SIN3B: variants seen among roughly 807,000 people sequenced by gnomAD.
SIN3B encodes the protein paired amphipathic helix protein Sin3b.
In SIN3B, 19 loss-of-function variants were observed where a neutral mutation model predicts 120.2. The ratio of observed to expected loss-of-function variants is 0.16; its 90% confidence interval spans 0.11 to 0.23. SIN3B has a LOEUF of 0.23. Ranked by LOEUF, SIN3B falls within the 10% of genes least tolerant of loss-of-function variation. The pLI is 1.00. For synonymous variants in SIN3B, 654 were observed against 653.2 expected (o/e 1.00, Z -0.02); for missense variants, 1,073 against 1,573.0 (o/e 0.68, Z 5.38).
chr19:16,862,227 A>C lies in SIN3B; in HGVS notation c.1059-125A>C, dbSNP rs984617938. ...TTGGATTCTTCCGCCTCTCATTCGCATCCATGATGTTGAATTCTGACTCTG... is the reference window on the plus strand; with the variant it reads ...TTGGATTCTTCCGCCTCTCATTCGCCTCCATGATGTTGAATTCTGACTCTG... On this transcript the variant is annotated intron_variant, in intron 8 of 18. Coordinates refer to ENST00000248054, the MANE Select transcript of SIN3B (RefSeq NM_001297595.2). This position sits in a 1 kb window ranked among gnomAD's most constrained non-coding sequence, Gnocchi z 4.7. The C allele has an allele frequency of 3.9e-5, 29 of 744,520 alleles. No homozygotes were observed. The highest frequency in any genetic ancestry group is 6.4e-5 in the Non-Finnish European group (29 of 452,172). The allele number at this position is 744,520 out of a possible 1,614,324, so 46.1% of individuals were successfully genotyped here.
chr19:16,846,793 G>A (rs959863307), intron 4 of SIN3B, among the ~76,000 whole-genome samples, 177 bp from the exon 5 acceptor site: 3 of 152,102 alleles, frequency 2.0e-5, no homozygotes, highest in Non-Finnish European at 4.4e-5. Flanking sequence ...GCCCATGGCC[G>A]GGGCTCAGGC....
rs1971422941 is a variant in SIN3B at position 16,841,916 on chromosome 19, T to C, written c.530T>C (p.Leu177Pro). ...SYVNKIKTRFLDHPEIYRSFL... is the reference protein window; with the variant it reads ...SYVNKIKTRFPDHPEIYRSFL... ...GTGAATAAGATTAAAACCCGCTTCCTAGACCACCCAGAAATCTACAGGTCA... is the reference window on the plus strand; with the variant it reads ...GTGAATAAGATTAAAACCCGCTTCCCAGACCACCCAGAAATCTACAGGTCA... The change falls in exon 4 of 19, where the codon CTA becomes CCA. Residue 177 changes from leucine (L) to proline (P), a missense_variant. Coordinates refer to ENST00000248054, the MANE Select transcript of SIN3B (RefSeq NM_001297595.2). 6.2e-7 allele frequency: 1 copy of C among 1,614,108 alleles called. No homozygotes were observed. Among genetic ancestry groups the C allele is most frequent in the Non-Finnish European group, 8.5e-7 (1 of 1,180,020 alleles).
intron 14 of SIN3B, among the ~76,000 whole-genome samples, chr19:16,872,077 C>T (rs1295502489): frequency 3.9e-5 from 6 of 152,112 alleles, no homozygotes; most frequent in Non-Finnish European, 7.4e-5. Flanking sequence ...GCAGACGTCC[C>T]AGACGAGCTG....
chr19:16,831,467 T>G, intron 2 of SIN3B, 27 bp from the exon 3 acceptor site: 1 of 1,608,914 alleles, frequency 6.2e-7, no homozygotes, highest in Non-Finnish European at 8.5e-7. Context: ...CCAAGACCCT[T>G]TTGCCCACTT....
intron 13 of SIN3B, 83 bp downstream of exon 13, chr19:16,870,158 C>G (rs971807277): frequency 1.1e-5 from 14 of 1,325,468 alleles, no homozygotes; most frequent in African/African-American, 1.5e-5. Flanking sequence ...TGTCCTGTTA[C>G]TTTTCTTTCT....
intron 11 of SIN3B, among the ~76,000 whole-genome samples, chr19:16,866,011 A>C (rs988420325): frequency 3.3e-5 from 5 of 152,322 alleles, no homozygotes; most frequent in Admixed American, 1.3e-4. Context: ...TCAAGTGGTC[A>C]CTTTCAGGCA....
chr19:16,856,447 C>T (rs1032001768), intron 8 of SIN3B, among the ~76,000 whole-genome samples: 1 of 152,106 alleles, frequency 6.6e-6, no homozygotes, highest in Non-Finnish European at 1.5e-5. Context: ...CTGCAGGGCC[C>T]TTCAAATACA....
At chr19:16,861,350 G>A (rs1252462606) in intron 8 of SIN3B, among the ~76,000 whole-genome samples, 1 of 152,220 alleles carries the variant, frequency 6.6e-6, no homozygotes, top group Admixed American at 6.5e-5. Context: ...GGGATGGCTA[G>A]GCATGGTGGC....
chr19:16,858,119 C>T (rs910693940), intron 8 of SIN3B, among the ~76,000 whole-genome samples: 10 of 152,180 alleles, frequency 6.6e-5, no homozygotes, highest in African/African-American at 2.4e-4. Flanking sequence ...TCAAGTGATC[C>T]GCCTGCCTCA....
chr19:16,851,620 C>A, intron 6 of SIN3B, 86 bp downstream of exon 6: 1 of 1,468,314 alleles, frequency 6.8e-7, no homozygotes, highest in East Asian at 2.6e-5. Context: ...GGAACAGAGG[C>A]CCCAGCAGGG....
At chr19:16,873,367 G>A (rs1491001225) in intron 14 of SIN3B, among the ~76,000 whole-genome samples, 3 of 152,130 alleles carry the variant, frequency 2.0e-5, no homozygotes, top group Non-Finnish European at 4.4e-5. Flanking sequence ...CCGTGTGCCC[G>A]AAATGGGTCC....
chr19:16,831,538 A>G lies in SIN3B; in HGVS notation c.272A>G (p.His91Arg), dbSNP rs751363811. Residue 91 changes from histidine (H) to arginine (R), a missense_variant, in exon 3 of 19, where the codon CAC becomes CGC. This residue lies in a region of SIN3B where 395 missense variants were observed against 528.0 expected (regional missense o/e 0.75). Transcript: ENST00000248054. ...ATCAGACGTGTCTCGCAGCTCTTCC[A>G]CGAGCACCCTGACCTCATTGTTGGA... is the stretch of plus-strand genomic sequence containing the variant. ...GVIRRVSQLF[H>R]EHPDLIVGFN... 1 of 1,614,120 alleles carries G rather than the reference A, an allele frequency of 6.2e-7. No homozygotes were observed. Among genetic ancestry groups the G allele is most frequent in the Non-Finnish European group, 8.5e-7 (1 of 1,179,996 alleles).
At chr19:16,875,743 G>GGTCTGGTCTGGTCT (rs1225371535) in intron 14 of SIN3B, among the ~76,000 whole-genome samples, 9 of 149,708 alleles carry the variant, frequency 6.0e-5, no homozygotes. Context: ...TGGTCGGTTT[G>GGTCTGGTCTGGTCT]GTCTGGTCTG....
At chr19:16,846,606 C>A (rs898704493) in intron 4 of SIN3B, 2 of 178,810 alleles carry the variant, frequency 1.1e-5, no homozygotes, top group African/African-American at 4.7e-5. Context: ...AAGTCCCTTC[C>A]CTTCATGGCC....
chr19:16,865,694 TCCCTC>T (rs759084915), intron 11 of SIN3B, 46 bp downstream of exon 11: 425 of 1,146,146 alleles, frequency 3.7e-4, no homozygotes, highest in Middle Eastern at 1.2e-3. Context: ...CCTTCCCCCT[TCCCTC>T]CCCTCCCCTC....
At position 16,869,783 on chromosome 19, in the gene SIN3B, AGAG is replaced by A; in HGVS notation, c.2134_2136del (p.Glu712del). The stretch of plus-strand genomic sequence containing the variant: ...CGCCAGGACCCCACAGTAGCCCCCC[AGAG>A]GAGAAGGGGGCCTTCGGGGATGCCC... On this transcript the variant is annotated inframe_deletion, in exon 13 of 19. Transcript: ENST00000248054. The A allele has an allele frequency of 6.2e-7, 1 of 1,613,628 alleles. No individual in the cohort carries two copies. The highest frequency in any genetic ancestry group is 2.2e-5 in the East Asian group (1 of 44,874).
chr19:16,859,078 G>A (rs938093852), intron 8 of SIN3B, among the ~76,000 whole-genome samples: 5 of 152,136 alleles, frequency 3.3e-5, no homozygotes, highest in East Asian at 1.9e-4. Flanking sequence ...TTGAGTTTTC[G>A]AGGCAGAGGT....
chr19:16,870,024 C>T lies in SIN3B; in HGVS notation c.2371C>T (p.Arg791Cys). 4 of 1,611,858 alleles carry T rather than the reference C, an allele frequency of 2.5e-6. No individual in the cohort carries two copies. The highest frequency in any genetic ancestry group is 2.2e-5 in the East Asian group (1 of 44,844). ...GCGGGAGAAGCTGCTGTGTGAGGGC[C>T]GCAGGGAGAAGGGCAGCGACCCCGC... ...KEREKLLCEG[R>C]REKGSDPAME... Residue 791 changes from arginine (R) to cysteine (C), a missense_variant, in exon 13 of 19, where the codon CGC becomes TGC. This residue lies in a region of SIN3B where 52 missense variants were observed against 68.8 expected (regional missense o/e 0.76). Coordinates refer to ENST00000248054, the MANE Select transcript of SIN3B (RefSeq NM_001297595.2).
chr19:16,878,616 G>A lies in SIN3B; in HGVS notation c.3282G>A (p.Glu1094=), dbSNP rs2051645253. Residue 1094 remains glutamate, a synonymous_variant, in exon 19 of 19, where the codon GAG becomes GAA. Coordinates refer to ENST00000248054, the MANE Select transcript of SIN3B (RefSeq NM_001297595.2). ...ASLVQDWLMG[E]EDEDMVPCKT... ...TGGTGCAGGACTGGCTGATGGGTGA[G>A]GAGGACGAGGACATGGTACCCTGCA... The A allele has an allele frequency of 6.2e-7, 1 of 1,613,152 alleles. No individual in the cohort carries two copies. The highest frequency in any genetic ancestry group is 8.5e-7 in the Non-Finnish European group (1 of 1,179,640).
Sources: gnomAD v4.1 joint callset for allele counts (sites outside exome capture counted in the v4.1 genomes callset) on GRCh38, gnomAD v4.1.1 for gene constraint, gnomAD v4.1.1 regional missense constraint, Gnocchi (gnomAD v3.1) non-coding constraint, MANE v1.5 for transcripts, NCBI Gene and HGNC (gene_info 2026-07-23, HGNC 2026-07-21) for gene names.